CCDC18: variants seen among roughly 807,000 people sequenced by gnomAD.
CCDC18 encodes the protein coiled-coil domain containing 18, also known as coiled-coil domain-containing protein 18.
Under a neutral mutation model 196.0 loss-of-function variants are expected in CCDC18, and 157 were observed. The ratio of observed to expected loss-of-function variants is 0.80; its 90% CI spans 0.70 to 0.91. The LOEUF (loss-of-function observed/expected upper bound fraction) is 0.91, where lower values mean the gene tolerates loss of function less well. Ranked by LOEUF, CCDC18 falls within the 40% of genes least tolerant of loss-of-function variation. The pLI, the probability that CCDC18 is intolerant of heterozygous loss-of-function variation, is 0.00. For synonymous variants in CCDC18, 482 were observed against 529.2 expected (o/e 0.91, Z 1.22); for missense variants, 1,465 against 1,611.6 (o/e 0.91, Z 1.56).
At chr1:93,214,594 T>C (rs1451187505) in intron 11 of CCDC18, 149 bp from the exon 12 acceptor site, 1 of 569,542 alleles carries the variant, frequency 1.8e-6, no homozygotes, top group African/African-American at 1.9e-5. Flanking sequence ...TATTCTTTGA[T>C]TTCCTTAATG....
intron 28 of CCDC18, among the ~76,000 whole-genome samples, chr1:93,275,930 G>C (rs1665598124): frequency 1.3e-5 from 2 of 152,192 alleles, no homozygotes; most frequent in Admixed American, 1.3e-4. Flanking sequence ...AGTGTCATCA[G>C]GTATTACATT....
At chr1:93,273,934 A>C (rs1665490799) in intron 28 of CCDC18, among the ~76,000 whole-genome samples, 1 of 152,216 alleles carries the variant, frequency 6.6e-6, no homozygotes, top group Non-Finnish European at 1.5e-5. Flanking sequence ...ATAGTACCAA[A>C]TAATAGTACC....
Position 93,205,542 on chromosome 1 carries a change from T to A in CCDC18, c.828T>A (p.Asn276Lys), listed in dbSNP as rs755053680. 1.3e-6 allele frequency: 2 copies of A among 1,589,602 alleles called. No individual in the cohort carries two copies. Among genetic ancestry groups the A allele is most frequent in the Non-Finnish European group, 1.7e-6 (2 of 1,163,136 alleles). Residue 276 changes from asparagine (N) to lysine (K), a missense_variant, in exon 8 of 29, where the codon AAT becomes AAA. Physicochemically the swap from Asn to Lys is moderately conservative, Grantham distance 94. Coordinates refer to ENST00000690025, the MANE Select transcript of CCDC18 (RefSeq NM_001378204.1). Reference sequence around the variant, plus strand: ...CTGAAGAAGAAATATTAGAGAGAAATCTAACTAACTGTGAAAAAGAAAATA... The same window carrying A: ...CTGAAGAAGAAATATTAGAGAGAAAACTAACTAACTGTGAAAAAGAAAATA... ...VQAEEEILER[N>K]LTNCEKENKR...
intron 6 of CCDC18, chr1:93,199,605 A>AT (rs2101799468): frequency 6.6e-6 from 1 of 152,432 alleles, no homozygotes; most frequent in East Asian, 1.9e-4. Flanking sequence ...TGTTTCAGCC[A>AT]TTTGTGTTAC....
intron 28 of CCDC18, among the ~76,000 whole-genome samples, chr1:93,278,095 T>C (rs1218621753): frequency 6.6e-6 from 1 of 152,148 alleles, no homozygotes; most frequent in African/African-American, 2.4e-5. Context: ...CAAGTGATTC[T>C]CCTGCCTTAG....
At chr1:93,221,838 T>A (rs77100127) in intron 15 of CCDC18, 21 bp from the exon 16 acceptor site, 2 of 1,587,758 alleles carry the variant, frequency 1.3e-6, no homozygotes, top group Admixed American at 1.8e-5. Flanking sequence ...TGCATACTTA[T>A]ACTTTTCTTA....
intron 25 of CCDC18, 109 bp downstream of exon 25, chr1:93,256,647 G>A: frequency 2.3e-6 from 2 of 861,018 alleles, no homozygotes; most frequent in Non-Finnish European, 1.8e-6. Context: ...TTGCACAACA[G>A]TGTGAATGTA....
chr1:93,243,187 C>T (rs1194431934), intron 21 of CCDC18, among the ~76,000 whole-genome samples: 1 of 152,246 alleles, frequency 6.6e-6, no homozygotes, highest in Non-Finnish European at 1.5e-5. Context: ...AAACTTCTGC[C>T]TGGAGAACCA....
chr1:93,228,275 A>G (rs1166697048), intron 17 of CCDC18, among the ~76,000 whole-genome samples: 2 of 152,080 alleles, frequency 1.3e-5, no homozygotes, highest in Non-Finnish European at 2.9e-5. Context: ...CAAAGAAAAA[A>G]GGTCTGTCCA....
At chr1:93,206,969 A>G (rs1263560846) in intron 8 of CCDC18, 138 bp from the exon 9 acceptor site, 1 of 511,798 alleles carries the variant, frequency 2.0e-6, no homozygotes, top group Non-Finnish European at 3.4e-6. Flanking sequence ...GGCATGCAGA[A>G]AGTAGGTATT....
At position 93,192,059 on chromosome 1, in the gene CCDC18, G is replaced by A; in HGVS notation, c.522G>A (p.Gln174=). The part of the protein sequence containing the change: ...QAASVPILEE[Q]IINLEAEVSA... ...CCAGTGTCCCAATCTTAGAAGAACA[G>A]ATTATAAATTTGGAAGCAGAGGTTT... The change falls in exon 5 of 29, where the codon CAG becomes CAA. Residue 174 remains glutamine (Q), a synonymous_variant. Coordinates refer to ENST00000690025, the MANE Select transcript of CCDC18 (RefSeq NM_001378204.1). 6.2e-7 allele frequency: 1 copy of A among 1,613,894 alleles called. No individual in the cohort carries two copies. The highest frequency in any genetic ancestry group is 1.7e-5 in the Admixed American group (1 of 60,008).
In CCDC18 at chr1:93,210,849, G is replaced by A. The variant is rs754304234; in HGVS notation, c.1257G>A (p.Gln419=). The A allele has an allele frequency of 5.6e-6, 9 of 1,610,224 alleles. No individual in the cohort carries two copies. Among genetic ancestry groups the A allele is most frequent in the Non-Finnish European group, 7.6e-6 (9 of 1,176,546 alleles). ...FGFKSYLSKY[Q]MSSFSNKEDR... is the part of the protein sequence containing the mutation. ...TTAAATCATATCTTTCTAAATACCA[G>A]ATGAGTAGCTTCTCAAACAAGGAAG... Residue 419 remains glutamine (Q), a synonymous_variant, in exon 10 of 29, where the codon CAG becomes CAA. Transcript: ENST00000690025.
chr1:93,183,163 G>A (rs1650019605), intron 1 of CCDC18, among the ~76,000 whole-genome samples, 197 bp from the exon 2 acceptor site: 1 of 152,088 alleles, frequency 6.6e-6, no homozygotes, highest in African/African-American at 2.4e-5. Flanking sequence ...CATTGAAATT[G>A]TATTGAATTC....
chr1:93,231,072 C>A (rs1659172381), intron 17 of CCDC18, among the ~76,000 whole-genome samples: 1 of 152,196 alleles, frequency 6.6e-6, no homozygotes, highest in Non-Finnish European at 1.5e-5. Context: ...ATTAAGAAAT[C>A]TGAAATCTCA....
Position 93,270,267 on chromosome 1 carries a change from A to G in CCDC18, c.3886-80A>G, listed in dbSNP as rs972762776. On this transcript the variant is annotated intron_variant, in intron 27 of 28. Coordinates refer to ENST00000690025, the MANE Select transcript of CCDC18 (RefSeq NM_001378204.1). ...ATAGTGGGACAAAGGTTGACTTTCT[A>G]AAAGTCTATGATTTTCTAAGGAGTT... 6.3e-6 allele frequency: 5 copies of G among 793,670 alleles called. No homozygotes were observed. In the African/African-American group the frequency reaches 8.7e-5, roughly 14 times the overall value. 49.2% of individuals were successfully genotyped at this position (793,670 alleles called of 1,614,324 possible).
chr1:93,192,132 A>G lies in CCDC18; in HGVS notation c.569+26A>G, dbSNP rs757730563. The G allele has an allele frequency of 2.8e-6, 4 of 1,422,504 alleles. No individual in the cohort carries two copies. The South Asian group carries it at 4.7e-5, about 17-fold the overall frequency. The allele number at this position is 1,422,504 out of a possible 1,614,324, so 88.1% of individuals were successfully genotyped here. On this transcript the variant is annotated intron_variant, in intron 5 of 28. Transcript: ENST00000690025. ...GTAAATATACTTTTTATAGCTCTCA[A>G]AGTTTTATTTTCTACTTATACATTT...
chr1:93,259,025 G>C (rs1663422210), intron 26 of CCDC18, 140 bp downstream of exon 26: 1 of 690,236 alleles, frequency 1.4e-6, no homozygotes, highest in Non-Finnish European at 2.2e-6. Context: ...TAAACATACA[G>C]CTTTCACTTT....
At chr1:93,231,872 T>C (rs1659291973) in intron 17 of CCDC18, among the ~76,000 whole-genome samples, 1 of 152,250 alleles carries the variant, frequency 6.6e-6, no homozygotes, top group African/African-American at 2.4e-5. Flanking sequence ...CATCATATAG[T>C]GCTTTTATGG....
chr1:93,205,792 A>G (rs528310654), intron 8 of CCDC18, among the ~76,000 whole-genome samples, 161 bp downstream of exon 8: 19 of 152,272 alleles, frequency 1.2e-4, no homozygotes, highest in Non-Finnish European at 2.6e-4. Context: ...TTAGAATTAG[A>G]AGTGAAGTAA....
Sources: gnomAD v4.1 joint callset for allele counts (sites outside exome capture counted in the v4.1 genomes callset) on GRCh38, gnomAD v4.1.1 for gene constraint, MANE v1.5 for transcripts, NCBI Gene and HGNC (gene_info 2026-07-23, HGNC 2026-07-21) for gene names.